The following SNX29 variants were observed in gnomAD, a reference collection of about 807,000 sequenced individuals.
SNX29 encodes sorting nexin 29, also known as sorting nexin-29.
In SNX29, 78 loss-of-function variants were observed where a neutral mutation model predicts 102.1. The observed-to-expected ratio is 0.76, with a 90% CI of 0.64 to 0.92. SNX29 has a LOEUF of 0.92. Ranked by LOEUF, SNX29 falls within the 40% of genes least tolerant of loss-of-function variation. SNX29 has a pLI of 0.00. For missense variants in SNX29, 1,280 were observed against 1,061.7 expected, an observed-to-expected ratio of 1.21 and a Z score of -2.86; for synonymous variants, 580 against 414.5, an observed-to-expected ratio of 1.40 and a Z score of -4.85.
intron 20 of SNX29, among the ~76,000 whole-genome samples, chr16:12,559,024 C>G (rs535923775): frequency 5.9e-5 from 9 of 152,168 alleles, no homozygotes; most frequent in African/African-American, 2.2e-4. Context: ...ACAAAAGACT[C>G]CTTTTAAGTA....
At chr16:12,470,496 G>A (rs1458847325) in intron 18 of SNX29, among the ~76,000 whole-genome samples, 1 of 152,192 alleles carries the variant, frequency 6.6e-6, no homozygotes, top group African/African-American at 2.4e-5. Flanking sequence ...TAAATGCCCA[G>A]GCCGGCCTGC....
intron 9 of SNX29, among the ~76,000 whole-genome samples, chr16:12,064,435 C>T (rs933109469): frequency 6.6e-6 from 1 of 152,218 alleles, no homozygotes; most frequent in African/African-American, 2.4e-5. Flanking sequence ...GAGTCAGCTC[C>T]ATCTTCTCAC....
chr16:12,299,074 T>C (rs1441615533), intron 15 of SNX29, among the ~76,000 whole-genome samples: 3 of 149,022 alleles, frequency 2.0e-5, no homozygotes, highest in Non-Finnish European at 4.4e-5. Context: ...TCAAGGTAGG[T>C]GAATCACTTG....
intron 20 of SNX29, among the ~76,000 whole-genome samples, chr16:12,566,360 T>TC (rs1598109192): frequency 6.6e-6 from 1 of 152,042 alleles, no homozygotes; most frequent in South Asian, 2.1e-4. Flanking sequence ...CTGCTACCTC[T>TC]CCTCTCCCAA....
chr16:12,504,471 G>C (rs1421089429), intron 19 of SNX29, among the ~76,000 whole-genome samples: 1 of 152,176 alleles, frequency 6.6e-6, no homozygotes, highest in Non-Finnish European at 1.5e-5. Context: ...TGCTTGTTCT[G>C]GAAATGTTGT....
At chr16:12,256,740 A>G (rs575279972) in intron 14 of SNX29, among the ~76,000 whole-genome samples, 192 of 152,288 alleles carry the variant, frequency 1.3e-3, no homozygotes, top group Non-Finnish European at 5.0e-4. Context: ...AACAAGACAG[A>G]GTTCCTGGGT....
intron 18 of SNX29, among the ~76,000 whole-genome samples, chr16:12,471,036 C>T (rs2087313353): frequency 6.6e-6 from 1 of 152,200 alleles, no homozygotes; most frequent in Non-Finnish European, 1.5e-5. Flanking sequence ...GCCTCCCTCC[C>T]TATGTAGCTG....
In SNX29 at chr16:12,477,769, A is replaced by G. The variant is rs2151820542; in HGVS notation, c.2088A>G (p.Thr696=). Residue 696 remains threonine (T), a synonymous_variant, in exon 19 of 21, where the codon ACA becomes ACG. Coordinates refer to ENST00000566228, the MANE Select transcript of SNX29 (RefSeq NM_032167.5). ...DDEWNIYRRY[T]EFRSLHHKLQ... The stretch of plus-strand genomic sequence containing the variant: ...AATGGAATATTTATCGCCGGTATAC[A>G]GAGTTCAGGAGTTTGCACCACAAGT... 6.2e-7 allele frequency: 1 copy of G among 1,613,398 alleles called. No individual in the cohort carries two copies. Among genetic ancestry groups the G allele is most frequent in the Middle Eastern group, 1.6e-4 (1 of 6,062 alleles).
chr16:12,566,798 C>G (rs754106442), intron 20 of SNX29, among the ~76,000 whole-genome samples: 4 of 152,240 alleles, frequency 2.6e-5, no homozygotes, highest in Non-Finnish European at 5.9e-5. Flanking sequence ...GCTGGTTGGG[C>G]TCAGAGATGA....
At chr16:12,481,848 G>A (rs1722998750) in intron 19 of SNX29, among the ~76,000 whole-genome samples, 1 of 152,176 alleles carries the variant, frequency 6.6e-6, no homozygotes, top group Non-Finnish European at 1.5e-5. Flanking sequence ...CCGGCCCCAT[G>A]ATTGTCCTTT....
intron 16 of SNX29, among the ~76,000 whole-genome samples, chr16:12,362,551 A>ACCCC (rs1464136306): frequency 3.8e-4 from 9 of 23,482 alleles, no homozygotes; most frequent in Non-Finnish European, 5.5e-4. Context: ...TGGCTGCTGC[A>ACCCC]CTCCCCCCCC....
chr16:12,533,729 G>T (rs1036059610), intron 20 of SNX29, among the ~76,000 whole-genome samples: 12 of 152,150 alleles, frequency 7.9e-5, no homozygotes, highest in Admixed American at 1.3e-4. Context: ...CTGTAGGTCT[G>T]GGTGGGTCAT....
intron 13 of SNX29, among the ~76,000 whole-genome samples, chr16:12,182,802 TG>T (rs1020225985): frequency 6.6e-6 from 1 of 151,692 alleles, no homozygotes; most frequent in Non-Finnish European, 1.5e-5. Flanking sequence ...GGTGTGGTGG[TG>T]GGCACCTGTA....
Position 12,570,421 on chromosome 16 carries a change from C to T in SNX29, c.*1792C>T, listed in dbSNP as rs530528408. ...AGTGCACATCAGCTCACATGACTGG[C>T]AACTCTAAATAGAGAGCCCTAATGG... On this transcript the variant is annotated 3_prime_UTR_variant, in exon 21 of 21. Coordinates refer to ENST00000566228, the MANE Select transcript of SNX29 (RefSeq NM_032167.5). 3 of 259,152 alleles carry T rather than the reference C, an allele frequency of 1.2e-5. No homozygotes were observed. Among genetic ancestry groups the T allele is most frequent in the East Asian group, 6.0e-5 (1 of 16,630 alleles). The allele number at this position is 259,152 out of a possible 1,614,324, so 16.1% of individuals were successfully genotyped here.
chr16:12,540,873 C>T (rs979607639), intron 20 of SNX29, among the ~76,000 whole-genome samples: 3 of 152,170 alleles, frequency 2.0e-5, no homozygotes, highest in Non-Finnish European at 2.9e-5. Flanking sequence ...TGCCCTTTTC[C>T]ACTTCTGGAC....
intron 18 of SNX29, among the ~76,000 whole-genome samples, chr16:12,474,238 C>T (rs761054255): frequency 2.0e-5 from 3 of 152,208 alleles, no homozygotes; most frequent in Non-Finnish European, 2.9e-5. Context: ...TGCAGATTAA[C>T]TTGCGGCTGG....
intron 20 of SNX29, among the ~76,000 whole-genome samples, chr16:12,545,875 C>T (rs992700226): frequency 2.6e-5 from 4 of 152,108 alleles, no homozygotes; most frequent in African/African-American, 9.7e-5. Context: ...TGAGCCTAAG[C>T]CGTGGGCATT....
intron 20 of SNX29, among the ~76,000 whole-genome samples, chr16:12,541,696 C>T (rs151217742): frequency 8.5e-5 from 13 of 152,190 alleles, no homozygotes; most frequent in Admixed American, 2.0e-4. Flanking sequence ...TACCCTGGGG[C>T]GGGAGTGGGT....
At chr16:12,399,207 C>T (rs538722337) in intron 17 of SNX29, among the ~76,000 whole-genome samples, 54 of 152,264 alleles carry the variant, frequency 3.5e-4, no homozygotes, top group Non-Finnish European at 6.5e-4. Context: ...CACACCACCA[C>T]GCCTGGCTAA....
Sources: allele counts gnomAD v4.1 joint callset (sites outside exome capture counted in the v4.1 genomes callset), GRCh38; gene constraint gnomAD v4.1.1; transcripts MANE v1.5; gene names NCBI Gene and HGNC (gene_info 2026-07-23, HGNC 2026-07-21).